BCAR1: variants seen among roughly 807,000 people sequenced by gnomAD.
The protein encoded by BCAR1 is BCAR1 scaffold protein, Cas family member, also known as breast cancer anti-estrogen resistance protein 1.
BCAR1 carries 30 observed loss-of-function variants against 67.6 expected under a neutral mutation model. The ratio of observed to expected loss-of-function variants is 0.44; its 90% CI spans 0.33 to 0.60. The LOEUF (loss-of-function observed/expected upper bound fraction) is 0.60. Among genes scored for constraint, BCAR1 ranks in the 20% least tolerant of loss-of-function variants. BCAR1 has a pLI of 0.02. For missense variants in BCAR1, 1,313 were observed against 1,222.3 expected (o/e 1.07, Z -1.11); for synonymous variants, 626 against 556.7 (o/e 1.12, Z -1.75).
chr16:75,230,149 G>A (rs2076849159), intron 6 of BCAR1, 126 bp from the exon 7 acceptor site: 30 of 1,196,092 alleles, frequency 2.5e-5, no homozygotes, highest in Non-Finnish European at 3.3e-5. Context: ...TGGGACTGCA[G>A]GGAAACGGGC....
In BCAR1 at chr16:75,263,781, C is replaced by A. The variant is rs911065967; in HGVS notation, c.66+4134G>T. 5 of 987,154 alleles carry A rather than the reference C, an allele frequency of 5.1e-6. No homozygotes were observed. In the African/African-American group the frequency reaches 8.7e-5, roughly 17 times the overall value. The allele number at this position is 987,154 out of a possible 1,614,324, so 61.1% of individuals were successfully genotyped here. On this transcript the variant is annotated intron_variant, in intron 1 of 6. Transcript: ENST00000393422. ...GACGTGTCCCTGAGCAGTCGCCACTCTGGGTTCCAAGGGCAGGGCTTGAGC... is the reference window on the plus strand; with the variant it reads ...GACGTGTCCCTGAGCAGTCGCCACTATGGGTTCCAAGGGCAGGGCTTGAGC...
intron 6 of BCAR1, among the ~76,000 whole-genome samples, chr16:75,233,567 TGCTG>T (rs2076977562): frequency 6.6e-6 from 1 of 152,234 alleles, no homozygotes; most frequent in South Asian, 2.1e-4. Flanking sequence ...GCCAGCCCCG[TGCTG>T]AGCCTATGGC....
chr16:75,253,969 A>ATT (rs2077729578), upstream of BCAR1, among the ~76,000 whole-genome samples: 1 of 101,342 alleles, frequency 9.9e-6, no homozygotes, highest in Non-Finnish European at 1.9e-5. Context: ...CGTTAGCCCC[A>ATT]ATTTTTTTTT....
chr16:75,242,585 C>A lies in BCAR1; in HGVS notation c.518G>T (p.Gly173Val), dbSNP rs371961218. The A allele has an allele frequency of 6.7e-7, 1 of 1,495,142 alleles. No homozygotes were observed. The highest frequency in any genetic ancestry group is 8.9e-7 in the Non-Finnish European group (1 of 1,122,864). 92.6% of individuals were successfully genotyped at this position (1,495,142 alleles called of 1,614,324 possible). ...DLYQVPPGPG[G>V]PAQDIYQVPP... is the part of the protein sequence containing the mutation. ...CACCTGGTAAATATCCTGGGCAGGG[C>A]CTCCAGGCCCTGGGGGCACCTGGTA... The change falls in exon 2 of 7, where the codon GGC becomes GTC. Residue 173 changes from glycine (G) to valine (V), a missense_variant. Transcript: ENST00000162330.
chr16:75,236,625 C>T (rs539014631), intron 4 of BCAR1: 298 of 565,180 alleles, frequency 5.3e-4, no homozygotes, highest in African/African-American at 4.9e-3. Context: ...ATGACACATC[C>T]CGTGGTCACC....
chr16:75,242,086 G>A (rs888214469), intron 2 of BCAR1, among the ~76,000 whole-genome samples: 51 of 152,228 alleles, frequency 3.4e-4, no homozygotes, highest in African/African-American at 1.2e-3. Flanking sequence ...AGGCTGACAC[G>A]TAAACCCAGA....
upstream of BCAR1, among the ~76,000 whole-genome samples, chr16:75,254,016 G>C (rs1437443609): frequency 1.3e-5 from 2 of 151,180 alleles, no homozygotes; most frequent in Non-Finnish European, 2.9e-5. Flanking sequence ...GGTCAGGCTG[G>C]TCTCGAACTC....
At chr16:75,256,678 G>A in intron 1 of BCAR1, among the ~76,000 whole-genome samples, 1 of 152,196 alleles carries the variant, frequency 6.6e-6, no homozygotes, top group South Asian at 2.1e-4. Flanking sequence ...TGCCGTAGGT[G>A]CCTGCCTCAG....
intron 1 of BCAR1, among the ~76,000 whole-genome samples, chr16:75,258,606 T>C (rs2077831194): frequency 2.6e-5 from 4 of 152,194 alleles, no homozygotes; most frequent in Admixed American, 2.6e-4. Flanking sequence ...CACAAGGTGC[T>C]TGGGGGCTTC....
At chr16:75,233,824 T>C (rs1225358076) in intron 6 of BCAR1, 22 bp downstream of exon 6, 25 of 1,582,516 alleles carry the variant, frequency 1.6e-5, no homozygotes, top group Non-Finnish European at 2.0e-5. Context: ...AAGCTGGGCC[T>C]TGCTCTGCTC....
rs188316770 is a variant in BCAR1 at position 75,240,363 on chromosome 16, C to T, written c.633+2107G>A. The stretch of plus-strand genomic sequence containing the variant: ...CAGATGTCCCGCAGCCAGGTGTTAC[C>T]GCCGTGCCACCGTAATGAAGGCATG... On this transcript the variant is annotated intron_variant, in intron 2 of 6. Transcript: ENST00000162330. Among the ~76,000 whole-genome samples, 854 of 152,302 alleles carry T rather than the reference C, an allele frequency of 5.6e-3. 4 individuals are homozygous for T. The highest frequency in any genetic ancestry group is 8.9e-3 in the Non-Finnish European group (608 of 68,038).
intron 1 of BCAR1, chr16:75,263,904 G>C: frequency 9.5e-7 from 1 of 1,054,954 alleles, no homozygotes; most frequent in Non-Finnish European, 1.1e-6. Context: ...TTCTCCTCTT[G>C]GCCCCACCAC....
intron 2 of BCAR1, chr16:75,238,970 C>T (rs2077239828): frequency 1.0e-6 from 1 of 985,402 alleles, no homozygotes; most frequent in South Asian, 4.7e-5. Flanking sequence ...CAAAAGCACC[C>T]TGCCGGTGGC....
chr16:75,264,030 G>C (rs1295817452), intron 1 of BCAR1: 1 of 1,219,200 alleles, frequency 8.2e-7, no homozygotes, highest in African/African-American at 1.6e-5. Flanking sequence ...CCTGGGCTGT[G>C]ACTACAAGGG....
At position 75,237,212 on chromosome 16, in the gene BCAR1, C is replaced by T; in HGVS notation, c.766G>A (p.Gly256Arg). ...TGGCCATACTGGCTGGGAAGCAGCC[C>T]CCGAACCGGGGGCACATCATAGATG... Reference protein sequence around the residue: ...QDIYDVPPVRGLLPSQYGQEV... With the variant: ...QDIYDVPPVRRLLPSQYGQEV... The change falls in exon 3 of 7, where the codon GGG (glycine) becomes AGG (arginine). Residue 256 changes from glycine to arginine, a missense_variant. Gly to Arg is a moderately radical substitution (Grantham distance 125). Transcript: ENST00000162330. The T allele has an allele frequency of 1.9e-6, 3 of 1,569,398 alleles. No homozygotes were observed. The highest frequency in any genetic ancestry group is 1.7e-6 in the Non-Finnish European group (2 of 1,160,100).
intron 2 of BCAR1, 146 bp from the exon 3 acceptor site, chr16:75,237,490 C>A: frequency 1.0e-6 from 1 of 993,812 alleles, no homozygotes; most frequent in Non-Finnish European, 1.4e-6. Flanking sequence ...CCAGTTCTCA[C>A]CCCCTCTGCA....
chr16:75,235,065 C>G lies in BCAR1; in HGVS notation c.1834G>C (p.Ala612Pro), dbSNP rs368873588. The change falls in exon 5 of 7, where the codon GCC becomes CCC. Residue 612 changes from alanine to proline, a missense_variant. By Grantham distance (27) the Ala-to-Pro change is conservative (BLOSUM62 -1). Transcript: ENST00000162330. ...GTGCCACCCCCCTCAGGCCCCGGGG[C>G]AGTGGCCTTGGTCCGTCTGAAGAGC... ...SLLFRRTKATAPGPEGGGTLH... is the reference protein window; with the variant it reads ...SLLFRRTKATPPGPEGGGTLH... 6.2e-6 allele frequency: 10 copies of G among 1,613,098 alleles called. No individual in the cohort carries two copies. The highest frequency in any genetic ancestry group is 8.5e-6 in the Non-Finnish European group (10 of 1,180,012).
intron 1 of BCAR1, chr16:75,248,410 C>T (rs569511681): frequency 3.6e-5 from 41 of 1,136,734 alleles, no homozygotes; most frequent in African/African-American, 1.4e-4. Context: ...AAAGAGCCTC[C>T]GTGGCCAACG....
At chr16:75,251,355 C>T (rs1213347272) in intron 1 of BCAR1, 116 bp downstream of exon 1, 4 of 1,370,458 alleles carry the variant, frequency 2.9e-6, no homozygotes, top group Non-Finnish European at 2.9e-6. Context: ...CCGCGGACCC[C>T]GGCCGGCGGT....
Sources: gnomAD v4.1 joint callset for allele counts (sites outside exome capture counted in the v4.1 genomes callset) on GRCh38, gnomAD v4.1.1 for gene constraint, MANE v1.5 for transcripts, NCBI Gene and HGNC (gene_info 2026-07-23, HGNC 2026-07-21) for gene names.